Variants in RASAL2 observed in about 807,000 individuals in gnomAD.
The protein encoded by RASAL2 is ras GTPase-activating protein nGAP.
RASAL2 carries 58 observed loss-of-function variants against 128.9 expected under a neutral mutation model. The ratio of observed to expected loss-of-function variants is 0.45; its 90% CI spans 0.36 to 0.56. The LOEUF (loss-of-function observed/expected upper bound fraction) is 0.56, where lower values mean the gene tolerates loss of function less well. Ranked by LOEUF, RASAL2 falls within the 20% of genes least tolerant of loss-of-function variation. RASAL2 has a pLI of 0.00. For synonymous variants in RASAL2, 561 were observed against 580.8 expected, an observed-to-expected ratio of 0.97 and a Z score of 0.49; for missense variants, 1,360 against 1,601.6, an observed-to-expected ratio of 0.85 and a Z score of 2.57.
At chr1:178,163,594 C>T (rs1034028938) in intron 1 of RASAL2, among the ~76,000 whole-genome samples, 1 of 152,094 alleles carries the variant, frequency 6.6e-6, no homozygotes, top group Non-Finnish European at 1.5e-5. Context: ...GTGTCAAAAT[C>T]GATTGCTCAC....
intron 5 of RASAL2, among the ~76,000 whole-genome samples, chr1:178,426,676 A>G (rs1675536465): frequency 6.6e-6 from 1 of 151,958 alleles, no homozygotes; most frequent in Non-Finnish European, 1.5e-5. Context: ...GGGTGGGGGG[A>G]TGACATTGGA....
At chr1:178,286,651 A>T (rs923396405) in intron 2 of RASAL2, among the ~76,000 whole-genome samples, 9 of 152,170 alleles carry the variant, frequency 5.9e-5, no homozygotes, top group Non-Finnish European at 1.2e-4. Context: ...ACCTCAGGTG[A>T]TCCACCCGCC....
intron 3 of RASAL2, among the ~76,000 whole-genome samples, chr1:178,361,956 A>G (rs937235698): frequency 1.4e-4 from 21 of 151,948 alleles, no homozygotes; most frequent in African/African-American, 4.4e-4. Flanking sequence ...TGTACGGTTT[A>G]CAATAGGGTA....
intron 4 of RASAL2, among the ~76,000 whole-genome samples, chr1:178,405,807 C>T (rs1438002440): frequency 1.3e-5 from 2 of 152,170 alleles, no homozygotes; most frequent in East Asian, 3.8e-4. Flanking sequence ...CAGTGGAAAA[C>T]TGGTGAATTT....
At chr1:178,285,373 G>A (rs937457257) in intron 2 of RASAL2, among the ~76,000 whole-genome samples, 3 of 151,908 alleles carry the variant, frequency 2.0e-5, no homozygotes, top group Admixed American at 1.3e-4. Context: ...ACCCGCCTCG[G>A]CCTCCCAAAG....
intron 2 of RASAL2, among the ~76,000 whole-genome samples, chr1:178,293,296 T>C (rs886937118): frequency 6.6e-6 from 1 of 152,202 alleles, no homozygotes; most frequent in African/African-American, 2.4e-5. Flanking sequence ...AACCTTAGCC[T>C]AACTAAATAT....
intron 14 of RASAL2, among the ~76,000 whole-genome samples, chr1:178,463,869 G>A (rs982249094): frequency 6.6e-6 from 1 of 151,986 alleles, no homozygotes; most frequent in African/African-American, 2.4e-5. Context: ...TTGACCATCA[G>A]GTTATGCTTT....
chr1:178,476,158 T>C lies in RASAL2; in HGVS notation c.*2919T>C, dbSNP rs979271142. The C allele has an allele frequency of 1.3e-5, 2 of 152,132 alleles. No individual in the cohort carries two copies. Among genetic ancestry groups the C allele is most frequent in the Admixed American group, 1.3e-4 (2 of 15,266 alleles). The allele number at this position is 152,132 out of a possible 1,614,324, so 9.4% of individuals were successfully genotyped here. On this transcript the variant is annotated 3_prime_UTR_variant, in exon 18 of 18. Transcript: ENST00000367649. ...CTGTTTCCCTCAAAACAACACCACA[T>C]TGTGGGGCGCAGGATAGATCAGGGT...
intron 1 of RASAL2, among the ~76,000 whole-genome samples, chr1:178,267,233 G>A (rs902242041): frequency 2.6e-5 from 4 of 151,624 alleles, no homozygotes; most frequent in Admixed American, 6.6e-5. Context: ...ATTTTATTTC[G>A]GCATTTACAT....
chr1:178,421,793 T>A (rs1484793923), intron 5 of RASAL2, among the ~76,000 whole-genome samples: 1 of 152,128 alleles, frequency 6.6e-6, no homozygotes. Context: ...TTATTAGCCC[T>A]TCTTGAACCA....
chr1:178,318,509 A>G (rs1368429632), intron 3 of RASAL2, among the ~76,000 whole-genome samples: 1 of 150,456 alleles, frequency 6.6e-6, no homozygotes, highest in Admixed American at 6.6e-5. Flanking sequence ...TAGGATAGTT[A>G]GCTCTTCTTG....
Position 178,351,823 on chromosome 1 carries a change from A to G in RASAL2, c.458-38277A>G, listed in dbSNP as rs1670527075. 2.0e-5 allele frequency among the ~76,000 whole-genome samples: 3 copies of G among 152,114 alleles called. No homozygotes were observed. In the South Asian group the frequency reaches 6.2e-4, roughly 32 times the overall value. ...AAAAGAAAGCGGCTACAGGCCCCAT[A>G]CAAGTCTGAAACCCAGCAGAGCAGC... is the stretch of plus-strand genomic sequence containing the variant. On this transcript the variant is annotated intron_variant, in intron 3 of 17. Coordinates refer to ENST00000367649, the MANE Select transcript of RASAL2 (RefSeq NM_170692.4).
intron 5 of RASAL2, among the ~76,000 whole-genome samples, chr1:178,431,002 A>G (rs945730948): frequency 6.6e-6 from 1 of 151,896 alleles, no homozygotes; most frequent in Non-Finnish European, 1.5e-5. Flanking sequence ...TATGATCATA[A>G]TATTTCTGCA....
chr1:178,192,710 A>T (rs953652281), intron 1 of RASAL2, among the ~76,000 whole-genome samples: 1 of 152,180 alleles, frequency 6.6e-6, no homozygotes, highest in Non-Finnish European at 1.5e-5. Flanking sequence ...AGCAACCTAC[A>T]GTCTTCTTCA....
In RASAL2 at chr1:178,465,779, A is replaced by G. The variant is rs12071246; in HGVS notation, c.3388-141A>G. On this transcript the variant is annotated intron_variant, in intron 15 of 17. Transcript: ENST00000367649. The stretch of plus-strand genomic sequence containing the variant: ...ATGACAGCACAGCCAGCATCTAGCT[A>G]CACTGCTTAGGGTTTCTTTTGTTAA... 9,864 of 719,250 alleles carry G rather than the reference A, an allele frequency of 0.014. 677 individuals carry two copies. The African/African-American group carries it at 0.15, about 11-fold the overall frequency. The allele number at this position is 719,250 out of a possible 1,614,324, so 44.6% of individuals were successfully genotyped here.
At chr1:178,431,922 A>G (rs1675935448) in intron 5 of RASAL2, among the ~76,000 whole-genome samples, 1 of 149,026 alleles carries the variant, frequency 6.7e-6, no homozygotes, top group Non-Finnish European at 1.5e-5. Context: ...TATATGTAAT[A>G]TGCTATATAT....
chr1:178,201,658 C>G (rs1320660753), intron 1 of RASAL2, among the ~76,000 whole-genome samples: 2 of 152,202 alleles, frequency 1.3e-5, no homozygotes, highest in South Asian at 2.1e-4. Flanking sequence ...GTAAACATAG[C>G]TACCATAATG....
chr1:178,457,629 T>C, intron 13 of RASAL2, 54 bp from the exon 14 acceptor site: 1 of 1,569,550 alleles, frequency 6.4e-7, no homozygotes, highest in Non-Finnish European at 8.7e-7. Context: ...TGAGGCATCT[T>C]AGCCATGTTG....
At chr1:178,313,947 A>G (rs1668378688) in intron 3 of RASAL2, among the ~76,000 whole-genome samples, 1 of 152,134 alleles carries the variant, frequency 6.6e-6, no homozygotes, top group African/African-American at 2.4e-5. Flanking sequence ...AACAACCTCT[A>G]TTGGATGCTT....
Sources: gnomAD v4.1 joint callset for allele counts (sites outside exome capture counted in the v4.1 genomes callset) on GRCh38, gnomAD v4.1.1 for gene constraint, MANE v1.5 for transcripts, NCBI Gene and HGNC (gene_info 2026-07-23, HGNC 2026-07-21) for gene names.